GTF2B: variants seen among roughly 807,000 people sequenced by gnomAD.
The protein encoded by GTF2B is transcription initiation factor IIB.
GTF2B carries 20 observed loss-of-function variants against 34.6 expected under a neutral mutation model. The ratio of observed to expected loss-of-function variants is 0.58; its 90% CI spans 0.41 to 0.84. The LOEUF (loss-of-function observed/expected upper bound fraction) is 0.84, where lower values mean the gene tolerates loss of function less well. Among genes scored for constraint, GTF2B ranks in the 40% least tolerant of loss-of-function variants. The probability of loss-of-function intolerance (pLI) is 0.00; values close to 1 mark genes in which losing one functional copy is unlikely to be tolerated. For missense variants in GTF2B, 237 were observed against 393.3 expected, an observed-to-expected ratio of 0.60 and a Z score of 3.36; for synonymous variants, 142 against 132.4, an observed-to-expected ratio of 1.07 and a Z score of -0.50.
intron 2 of GTF2B, among the ~76,000 whole-genome samples, chr1:88,869,538 T>C (rs887306893): frequency 6.6e-6 from 1 of 152,202 alleles, no homozygotes; most frequent in Non-Finnish European, 1.5e-5. Flanking sequence ...TCACATGAAG[T>C]TGAAAAAAAC....
chr1:88,890,827 C>T (rs556515269), intron 1 of GTF2B, among the ~76,000 whole-genome samples: 1 of 152,084 alleles, frequency 6.6e-6, no homozygotes, highest in Non-Finnish European at 1.5e-5. Flanking sequence ...GACCTCCCAG[C>T]ACATATAACT....
Position 88,891,540 on chromosome 1 carries a change from C to A in GTF2B, c.-41G>T. The A allele has an allele frequency of 1.3e-6, 2 of 1,584,544 alleles. No individual in the cohort carries two copies. Among genetic ancestry groups the A allele is most frequent in the Non-Finnish European group, 1.7e-6 (2 of 1,160,706 alleles). ...GGTGCCCGCAACAAGACACAACAGA[C>A]ACACCGAAAGCAGGAAGCGAATGTG... On this transcript the variant is annotated 5_prime_UTR_variant, in exon 1 of 7. Coordinates refer to ENST00000370500, the MANE Select transcript of GTF2B (RefSeq NM_001514.6).
chr1:88,865,122 G>A (rs983052187), intron 2 of GTF2B, among the ~76,000 whole-genome samples: 5 of 152,132 alleles, frequency 3.3e-5, no homozygotes, highest in Admixed American at 2.0e-4. Flanking sequence ...TAGAAGTTAC[G>A]GTACTAGCAG....
chr1:88,887,839 T>C (rs576342660), intron 1 of GTF2B: 3 of 156,132 alleles, frequency 1.9e-5, no homozygotes, highest in Admixed American at 6.5e-5. Context: ...CCAGTAAGTA[T>C]AGAAATGAGG....
intron 6 of GTF2B, among the ~76,000 whole-genome samples, chr1:88,855,503 C>T (rs565761126): frequency 6.6e-6 from 1 of 152,008 alleles, no homozygotes; most frequent in South Asian, 2.1e-4. Context: ...CAGGTGTGCA[C>T]CACCATGCTG....
intron 6 of GTF2B, among the ~76,000 whole-genome samples, chr1:88,854,572 G>A (rs1483514639): frequency 1.3e-5 from 2 of 152,098 alleles, no homozygotes; most frequent in African/African-American, 2.4e-5. Context: ...GCAAGATCTC[G>A]GCTCACTACA....
At chr1:88,873,258 C>T (rs1429315639) in intron 2 of GTF2B, among the ~76,000 whole-genome samples, 4 of 146,118 alleles carry the variant, frequency 2.7e-5, no homozygotes, top group African/African-American at 1.0e-4. Context: ...GGCACTATCT[C>T]GACTCACTGC....
Position 88,857,756 on chromosome 1 carries a change from A to C in GTF2B, c.536-269T>G, listed in dbSNP as rs551561351. ...AAGGGTAGTGGCATGATCTCAGCTC[A>C]CTGCAACCTCCACCTCCTAGGCTCA... On this transcript the variant is annotated intron_variant, in intron 5 of 6. Transcript: ENST00000370500. Among the ~76,000 whole-genome samples, 321 of 140,196 alleles carry C rather than the reference A, an allele frequency of 2.3e-3. 2 individuals are homozygous for C. The highest frequency in any genetic ancestry group is 3.3e-3 in the Non-Finnish European group (223 of 66,990). 92.0% of individuals were successfully genotyped at this position (140,196 alleles called of 152,430 possible).
At chr1:88,884,911 T>G (rs181136081) in intron 2 of GTF2B, among the ~76,000 whole-genome samples, 1 of 152,358 alleles carries the variant, frequency 6.6e-6, no homozygotes, top group Non-Finnish European at 1.5e-5. Flanking sequence ...GTGATGGATA[T>G]GTAATGGTAA....
At chr1:88,887,769 C>T (rs969477319) in intron 1 of GTF2B, 1 of 220,848 alleles carries the variant, frequency 4.5e-6, no homozygotes. Flanking sequence ...AGAACAATTT[C>T]TCTCTGTATT....
intron 2 of GTF2B, among the ~76,000 whole-genome samples, chr1:88,882,654 G>C (rs1673976826): frequency 6.6e-6 from 1 of 152,170 alleles, no homozygotes; most frequent in African/African-American, 2.4e-5. Flanking sequence ...CAAAATCAAT[G>C]ACAAATGTTC....
chr1:88,871,991 C>G (rs1333650683), intron 2 of GTF2B, among the ~76,000 whole-genome samples: 1 of 152,040 alleles, frequency 6.6e-6, no homozygotes, highest in African/African-American at 2.4e-5. Context: ...CCTCAGCCTC[C>G]CAAAGTGCTG....
chr1:88,862,503 C>T (rs1673460271), intron 3 of GTF2B, among the ~76,000 whole-genome samples: 1 of 152,188 alleles, frequency 6.6e-6, no homozygotes, highest in South Asian at 2.1e-4. Flanking sequence ...GATCAAGCTA[C>T]TGCTGCACTC....
intron 3 of GTF2B, among the ~76,000 whole-genome samples, chr1:88,862,399 A>G (rs1673458156): frequency 6.6e-6 from 1 of 152,050 alleles, no homozygotes; most frequent in Admixed American, 6.6e-5. Flanking sequence ...AAAATTAGCC[A>G]TGTGTCGTGG....
chr1:88,861,093 G>T (rs61766105), intron 3 of GTF2B, among the ~76,000 whole-genome samples: 2,505 of 152,212 alleles, frequency 0.016, 28 homozygotes, highest in Non-Finnish European at 0.026. Context: ...AAGATAAATA[G>T]AAATCAATAC....
At chr1:88,863,902 G>T in intron 3 of GTF2B, 79 bp downstream of exon 3, 2 of 1,290,436 alleles carry the variant, frequency 1.5e-6, no homozygotes, top group Non-Finnish European at 1.1e-6. Flanking sequence ...TGCAGTGACT[G>T]ATACTTTTGC....
chr1:88,871,880 C>T (rs181963691), intron 2 of GTF2B, among the ~76,000 whole-genome samples: 8 of 151,888 alleles, frequency 5.3e-5, no homozygotes, highest in Admixed American at 1.3e-4. Flanking sequence ...TACAGGCATC[C>T]ACCACCACGC....
intron 2 of GTF2B, among the ~76,000 whole-genome samples, chr1:88,878,745 C>T (rs1673867438): frequency 6.6e-6 from 1 of 152,218 alleles, no homozygotes; most frequent in Non-Finnish European, 1.5e-5. Context: ...CTTACCTACC[C>T]ATGTCTAGCT....
intron 6 of GTF2B, among the ~76,000 whole-genome samples, chr1:88,856,272 C>CAAAAACA (rs1673303067): frequency 6.0e-5 from 3 of 50,018 alleles, no homozygotes; most frequent in African/African-American, 8.9e-5. Context: ...GTTTCAAAAA[C>CAAAAACA]AAAAAAAAAA....
Sources: gnomAD v4.1 joint callset for allele counts (sites outside exome capture counted in the v4.1 genomes callset) on GRCh38, gnomAD v4.1.1 for gene constraint, MANE v1.5 for transcripts, NCBI Gene and HGNC (gene_info 2026-07-23, HGNC 2026-07-21) for gene names.